The following WDPCP variants were observed in gnomAD, a reference collection of about 807,000 sequenced individuals.
WDPCP encodes the protein WD repeat-containing and planar cell polarity effector protein fritz homolog.
Under a neutral mutation model 93.1 loss-of-function variants are expected in WDPCP, and 71 were observed. The observed-to-expected ratio is 0.76, with a 90% CI of 0.63 to 0.93. The LOEUF (loss-of-function observed/expected upper bound fraction) is 0.93, where lower values mean the gene tolerates loss of function less well. Ranked by LOEUF, WDPCP falls within the 40% of genes least tolerant of loss-of-function variation. WDPCP has a pLI of 0.00. For synonymous variants in WDPCP, 315 were observed against 315.0 expected, an observed-to-expected ratio of 1.00 and a Z score of 0.00; for missense variants, 844 against 887.4, an observed-to-expected ratio of 0.95 and a Z score of 0.62.
chr2:63,240,118 G>A (rs763181249), intron 14 of WDPCP, among the ~76,000 whole-genome samples: 4 of 152,110 alleles, frequency 2.6e-5, no homozygotes, highest in Non-Finnish European at 5.9e-5. Context: ...CTGTTGAAGT[G>A]TTATTTGGCT....
chr2:63,202,956 T>C (rs1213976712), intron 14 of WDPCP, among the ~76,000 whole-genome samples: 1 of 152,156 alleles, frequency 6.6e-6, no homozygotes, highest in African/African-American at 2.4e-5. Flanking sequence ...CCCATTTACA[T>C]TCATTGATAA....
At chr2:63,490,386 C>G (rs896750690) in intron 2 of WDPCP, among the ~76,000 whole-genome samples, 1 of 151,836 alleles carries the variant, frequency 6.6e-6, no homozygotes, top group Admixed American at 6.6e-5. Context: ...TCAAACGGTT[C>G]AAGAAAAAAA....
upstream of WDPCP, among the ~76,000 whole-genome samples, chr2:63,830,978 T>C (rs1294303628): frequency 6.6e-6 from 1 of 152,182 alleles, no homozygotes; most frequent in Non-Finnish European, 1.5e-5. Context: ...GTCTGTCTCC[T>C]ACGAATTTCA....
intron 2 of WDPCP, among the ~76,000 whole-genome samples, chr2:63,709,315 G>A (rs992331893): frequency 7.9e-5 from 12 of 151,718 alleles, no homozygotes; most frequent in Admixed American, 2.6e-4. Flanking sequence ...ACTCCGTCCC[G>A]AAAAAAAGAA....
At chr2:63,401,682 G>A (rs1694162921) in intron 10 of WDPCP, among the ~76,000 whole-genome samples, 1 of 152,106 alleles carries the variant, frequency 6.6e-6, no homozygotes, top group Non-Finnish European at 1.5e-5. Flanking sequence ...GCACATGCCT[G>A]TAATCCCAGC....
chr2:63,804,753 G>T (rs1670740515), intron 2 of WDPCP, among the ~76,000 whole-genome samples: 1 of 151,782 alleles, frequency 6.6e-6, no homozygotes, highest in Non-Finnish European at 1.5e-5. Flanking sequence ...TGTTGGGCCG[G>T]GCACGGTGGC....
chr2:63,673,766 G>A (rs941429055), intron 2 of WDPCP, among the ~76,000 whole-genome samples: 2 of 152,160 alleles, frequency 1.3e-5, no homozygotes, highest in Non-Finnish European at 2.9e-5. Flanking sequence ...GTCTTCCTAA[G>A]TGTCTCAACA....
chr2:63,716,165 C>G (rs1163012370), intron 2 of WDPCP, among the ~76,000 whole-genome samples: 1 of 152,210 alleles, frequency 6.6e-6, no homozygotes, highest in Non-Finnish European at 1.5e-5. Flanking sequence ...TCTGAAGGGA[C>G]AGTCCACTTC....
chr2:63,784,661 G>A (rs1670442493), intron 2 of WDPCP, among the ~76,000 whole-genome samples: 1 of 152,084 alleles, frequency 6.6e-6, no homozygotes, highest in Middle Eastern at 3.4e-3. Flanking sequence ...AAGAAAGACA[G>A]TGAAGAAACA....
intron 12 of WDPCP, among the ~76,000 whole-genome samples, chr2:63,324,311 C>G (rs1268629805): frequency 6.6e-6 from 1 of 152,114 alleles, no homozygotes; most frequent in East Asian, 1.9e-4. Flanking sequence ...CTCCCTATGG[C>G]TCCCCCTCCT....
intron 1 of WDPCP, among the ~76,000 whole-genome samples, chr2:63,571,224 T>G (rs764244727): frequency 6.6e-6 from 1 of 152,194 alleles, no homozygotes; most frequent in East Asian, 1.9e-4. Context: ...GTAAATTATT[T>G]AACATTACCA....
chr2:63,781,300 C>T (rs751908388), intron 2 of WDPCP, among the ~76,000 whole-genome samples: 1 of 152,126 alleles, frequency 6.6e-6, no homozygotes, highest in African/African-American at 2.4e-5. Context: ...TATTTGCCAT[C>T]ACACTTGCCT....
At chr2:63,411,793 T>A (rs1413627300) in intron 9 of WDPCP, among the ~76,000 whole-genome samples, 1 of 152,020 alleles carries the variant, frequency 6.6e-6, no homozygotes, top group Non-Finnish European at 1.5e-5. Context: ...GAGGGAAAAA[T>A]TCCTGGAAAA....
chr2:63,570,782 A>G (rs1003321068), intron 1 of WDPCP, among the ~76,000 whole-genome samples: 4 of 152,206 alleles, frequency 2.6e-5, no homozygotes, highest in African/African-American at 4.8e-5. Context: ...CATGAAGTTT[A>G]ATTCAGTTTT....
chr2:63,728,025 T>G (rs1293581589), intron 2 of WDPCP, among the ~76,000 whole-genome samples: 1 of 152,172 alleles, frequency 6.6e-6, no homozygotes, highest in East Asian at 1.9e-4. Context: ...AAAATAATAA[T>G]GCAGACATGG....
intron 2 of WDPCP, among the ~76,000 whole-genome samples, chr2:63,711,327 T>C (rs1669259835): frequency 6.6e-6 from 1 of 152,200 alleles, no homozygotes; most frequent in African/African-American, 2.4e-5. Flanking sequence ...CACATATAGT[T>C]GAAACCACTT....
the WDPCP span, among the ~76,000 whole-genome samples, chr2:63,840,785 CG>C: frequency 2.0e-5 from 3 of 152,206 alleles, no homozygotes; most frequent in Non-Finnish European, 4.4e-5. Flanking sequence ...GCAACGCCGC[CG>C]TAAGTGCTGC....
chr2:63,409,240 C>G (rs984250936), intron 9 of WDPCP, among the ~76,000 whole-genome samples: 1 of 152,186 alleles, frequency 6.6e-6, no homozygotes, highest in African/African-American at 2.4e-5. Context: ...GCAGACAACC[C>G]CCAGTACCAG....
At chr2:63,418,313 C>T (rs146561890) in intron 9 of WDPCP, among the ~76,000 whole-genome samples, 8 of 151,962 alleles carry the variant, frequency 5.3e-5, no homozygotes, top group African/African-American at 1.2e-4. Context: ...GAAAAAAGAA[C>T]GAAATATATG....
Sources: gnomAD v4.1 joint callset for allele counts (sites outside exome capture counted in the v4.1 genomes callset) on GRCh38, gnomAD v4.1.1 for gene constraint, MANE v1.5 for transcripts, NCBI Gene and HGNC (gene_info 2026-07-23, HGNC 2026-07-21) for gene names.